GFUS: variants seen among roughly 807,000 people sequenced by gnomAD.
GFUS encodes GDP-L-fucose synthase.
In GFUS, 42 loss-of-function variants were observed where a neutral mutation model predicts 41.5. The ratio of observed to expected loss-of-function variants is 1.01; its 90% confidence interval spans 0.79 to 1.31. The LOEUF is 1.31. GFUS is among the 50% of genes most tolerant of loss of function. The probability of loss-of-function intolerance (pLI) is 0.00; values close to 1 mark genes in which losing one functional copy is unlikely to be tolerated. For synonymous variants in GFUS, 188 were observed against 173.4 expected (o/e 1.08, Z -0.66); for missense variants, 437 against 428.7 (o/e 1.02, Z -0.17).
chr8:143,614,632 C>A lies in GFUS; in HGVS notation c.456G>T (p.Val152=). The change falls in exon 5 of 11, where the codon GTG becomes GTT. Residue 152 remains valine (V), a synonymous_variant. Transcript: ENST00000425753. ...AGGATGGGCGCGAGGACCTGTTCTG[C>A]ACGTCGATCATCCTCTTGGCATACG... ...GYSYAKRMID[V]QNRAYFQQYG... is the part of the protein sequence containing the mutation. 6.3e-7 allele frequency: 1 copy of A among 1,595,566 alleles called. No homozygotes were observed. Among genetic ancestry groups the A allele is most frequent in the Non-Finnish European group, 8.6e-7 (1 of 1,167,234 alleles).
At position 143,616,122 on chromosome 8, in the gene GFUS, T is replaced by C. The variant is rs1359858870; in HGVS notation, c.245A>G (p.Tyr82Cys). 3 of 1,602,656 alleles carry C rather than the reference T, an allele frequency of 1.9e-6. No homozygotes were observed. In the African/African-American group the frequency reaches 4.0e-5, roughly 21 times the overall value. Residue 82 changes from tyrosine to cysteine, a missense_variant, in exon 3 of 11, where the codon TAC (tyrosine) becomes TGC (cysteine). By Grantham distance (194) the Tyr-to-Cys change is radical. Transcript: ENST00000425753. ...CTCACTTACCCAGAAGTCCAAATTG[T>C]ATTTGATATTCCGGAACAGGCCCCC... ...MVGGLFRNIK[Y>C]NLDFWRKNVH... is the part of the protein sequence containing the mutation.
chr8:143,617,029 C>T, intron 1 of GFUS: 1 of 380,556 alleles, frequency 2.6e-6, no homozygotes, highest in Non-Finnish European at 4.9e-6. Flanking sequence ...AGAGGGGAGG[C>T]AGACAACCTT....
In GFUS at chr8:143,612,917, C is replaced by T. The variant is rs767347788; in HGVS notation, c.959G>A (p.Arg320Gln). ...AWFTDNYEQA[R>Q]K ...TGATCCTGTCTTCCAGCTTCACTTC[C>T]GGGCCTGCTCGTAGTTGTCAGTGAA... is the stretch of plus-strand genomic sequence containing the variant. The change falls in exon 11 of 11, where the codon CGG becomes CAG. Residue 320 changes from arginine (R) to glutamine (Q), a missense_variant. By Grantham distance (43) the Arg-to-Gln change is conservative. Coordinates refer to ENST00000425753, the MANE Select transcript of GFUS (RefSeq NM_003313.4). 19 of 1,608,550 alleles carry T rather than the reference C, an allele frequency of 1.2e-5. No individual in the cohort carries two copies. Among genetic ancestry groups the T allele is most frequent in the East Asian group, 2.2e-5 (1 of 44,572 alleles).
chr8:143,613,708 T>C (rs1240714956), intron 8 of GFUS, 43 bp downstream of exon 8: 2 of 1,557,354 alleles, frequency 1.3e-6, no homozygotes, highest in South Asian at 2.4e-5. Flanking sequence ...CCTTGGATCC[T>C]GTCCTACCAT....
intron 3 of GFUS, among the ~76,000 whole-genome samples, chr8:143,615,126 G>A (rs1289501166): frequency 6.6e-6 from 1 of 152,122 alleles, no homozygotes; most frequent in Admixed American, 6.5e-5. Context: ...GGCTGGCTCT[G>A]CCTTCCACTA....
At chr8:143,614,951 A>C in intron 3 of GFUS, 36 bp from the exon 4 acceptor site, 2 of 1,567,832 alleles carry the variant, frequency 1.3e-6, no homozygotes, top group Non-Finnish European at 1.7e-6. Flanking sequence ...CAGGCTCCCC[A>C]GGCCAGATCC....
intron 4 of GFUS, 23 bp from the exon 5 acceptor site, chr8:143,614,720 G>A (rs1479830692): frequency 6.2e-7 from 1 of 1,613,136 alleles, no homozygotes; most frequent in Non-Finnish European, 8.5e-7. Context: ...GAGAGGCAGA[G>A]GCCGCTACTT....
chr8:143,612,928 G>A lies in GFUS; in HGVS notation c.948C>T (p.Tyr316=), dbSNP rs754323974. The A allele has an allele frequency of 1.2e-5, 19 of 1,609,848 alleles. No individual in the cohort carries two copies. The highest frequency in any genetic ancestry group is 4.0e-5 in the African/African-American group (3 of 74,816). Residue 316 remains tyrosine (Y), a synonymous_variant, in exon 11 of 11, where the codon TAC becomes TAT. Coordinates refer to ENST00000425753, the MANE Select transcript of GFUS (RefSeq NM_003313.4). Reference sequence around the variant, plus strand: ...TCCAGCTTCACTTCCGGGCCTGCTCGTAGTTGTCAGTGAACCAAGCACAGG... The same window carrying A: ...TCCAGCTTCACTTCCGGGCCTGCTCATAGTTGTCAGTGAACCAAGCACAGG... ...KETCAWFTDN[Y]EQARK
At chr8:143,617,702 C>G (rs1361615091), upstream of GFUS, 1 of 152,070 alleles carries the variant, frequency 6.6e-6, no homozygotes, top group Non-Finnish European at 1.5e-5. Flanking sequence ...CGGGCGGGTC[C>G]CCGGACGAAG....
rs544342284 is a variant in GFUS at position 143,616,828 on chromosome 8, T to C, written c.-11-105A>G. The C allele has an allele frequency of 4.6e-5, 64 of 1,397,452 alleles. No individual in the cohort carries two copies. The East Asian group carries it at 1.1e-3, about 23-fold the overall frequency. The allele number at this position is 1,397,452 out of a possible 1,614,324, so 86.6% of individuals were successfully genotyped here. ...AGAGTGAGGCCCTCAGAGTGGGGCA[T>C]AGTCCACTGGCAACCAGAAAGACCC... is the stretch of plus-strand genomic sequence containing the variant. On this transcript the variant is annotated intron_variant, in intron 1 of 10. Transcript: ENST00000425753.
At chr8:143,613,430 G>T in intron 9 of GFUS, 94 bp downstream of exon 9, 1 of 1,501,454 alleles carries the variant, frequency 6.7e-7, no homozygotes, top group Admixed American at 1.8e-5. Context: ...TCCTCCCTCC[G>T]CAGTGTCCCA....
intron 10 of GFUS, 42 bp downstream of exon 10, chr8:143,613,154 G>T: frequency 6.3e-7 from 1 of 1,584,168 alleles, no homozygotes; most frequent in Non-Finnish European, 8.7e-7. Context: ...AGGGGCTGGG[G>T]CAGGCCTCCA....
intron 3 of GFUS, 64 bp downstream of exon 3, chr8:143,616,042 G>T: frequency 7.2e-7 from 1 of 1,386,320 alleles, no homozygotes; most frequent in Non-Finnish European, 9.9e-7. Context: ...TGGGAAGCCC[G>T]CCAGGAAGTT....
Position 143,614,391 on chromosome 8 carries a change from G to A in GFUS, c.527C>T (p.Pro176Leu). ...TAVIPTNVFGPHDNFNIEDGH... is the reference protein window; with the variant it reads ...TAVIPTNVFGLHDNFNIEDGH... ...ATCCTCGATGTTGAAGTTGTCGTGG[G>A]GCCCGAAGACGTTGGTGGGGATGAC... Residue 176 changes from proline to leucine, a missense_variant, in exon 6 of 11, where the codon CCC (proline) becomes CTC (leucine). Pro to Leu is a moderately conservative substitution (Grantham distance 98). Transcript: ENST00000425753. 6.2e-7 allele frequency: 1 copy of A among 1,613,988 alleles called. No individual in the cohort carries two copies. The highest frequency in any genetic ancestry group is 8.5e-7 in the Non-Finnish European group (1 of 1,179,992).
Position 143,614,416 on chromosome 8 carries a change from C to T in GFUS, c.502G>A (p.Val168Ile). 1 of 1,613,826 alleles carries T rather than the reference C, an allele frequency of 6.2e-7. No individual in the cohort carries two copies. Among genetic ancestry groups the T allele is most frequent in the Non-Finnish European group, 8.5e-7 (1 of 1,179,956 alleles). Reference protein sequence around the residue: ...FQQYGCTFTAVIPTNVFGPHD... With the variant: ...FQQYGCTFTAIIPTNVFGPHD... ...GGCCCGAAGACGTTGGTGGGGATGA[C>T]AGCGGTGAAGGTGCAGCCGTACTGC... The change falls in exon 6 of 11, where the codon GTC becomes ATC. Residue 168 changes from valine to isoleucine, a missense_variant. Physicochemically the swap from Val to Ile is conservative, Grantham distance 29. Transcript: ENST00000425753.
In GFUS at chr8:143,613,762, A is replaced by G. The variant is rs763049771; in HGVS notation, c.719T>C (p.Ile240Thr). 23 of 1,551,092 alleles carry G rather than the reference A, an allele frequency of 1.5e-5. No individual in the cohort carries two copies. Among genetic ancestry groups the G allele is most frequent in the Non-Finnish European group, 2.0e-5 (23 of 1,147,070 alleles). ...VLREYNEVEP[I>T]ILSVGEEDEV... ...GCTGAGGTACCCACCGGAGAGGATG[A>G]TGGGCTCCACTTCATTGTACTCCCG... is the stretch of plus-strand genomic sequence containing the variant. The change falls in exon 8 of 11, where the codon ATC becomes ACC. Residue 240 changes from isoleucine (I) to threonine (T), a missense_variant. Coordinates refer to ENST00000425753, the MANE Select transcript of GFUS (RefSeq NM_003313.4).
chr8:143,615,821 G>A (rs1587305846), intron 3 of GFUS: 2 of 385,576 alleles, frequency 5.2e-6, no homozygotes, highest in South Asian at 1.3e-4. Flanking sequence ...CCAGTCCCAC[G>A]TGGCCGCTGG....
chr8:143,613,460 G>A (rs1251825778), intron 9 of GFUS, 64 bp downstream of exon 9: 13 of 1,567,770 alleles, frequency 8.3e-6, no homozygotes, highest in Middle Eastern at 1.7e-4. Context: ...GCCCTACACC[G>A]GGTGGCCACT....
chr8:143,617,974 T>A (rs1413975430), upstream of GFUS: 1 of 152,214 alleles, frequency 6.6e-6, no homozygotes, highest in Non-Finnish European at 1.5e-5. Context: ...GGAGCCCGGG[T>A]TGTCGTCCCA....
Sources: gnomAD v4.1 joint callset for allele counts (sites outside exome capture counted in the v4.1 genomes callset) on GRCh38, gnomAD v4.1.1 for gene constraint, MANE v1.5 for transcripts, NCBI Gene and HGNC (gene_info 2026-07-23, HGNC 2026-07-21) for gene names.